The following SLC14A1 variants were observed in gnomAD, a reference collection of about 807,000 sequenced individuals.
SLC14A1 encodes solute carrier family 14 member 1 (Kidd blood group).
SLC14A1 carries 36 observed loss-of-function variants against 39.6 expected under a neutral mutation model. That is an observed-to-expected ratio of 0.91 (90% CI 0.70 to 1.20). SLC14A1 has a LOEUF of 1.20. Ranked by LOEUF, SLC14A1 falls within the 50% of genes most tolerant of loss-of-function variation. The pLI is 0.00. For missense variants in SLC14A1, 469 were observed against 478.7 expected, an observed-to-expected ratio of 0.98 and a Z score of 0.19; for synonymous variants, 164 against 173.6, an observed-to-expected ratio of 0.94 and a Z score of 0.43.
At chr18:45,748,335 T>C (rs750106254) in intron 8 of SLC14A1, 41 bp from the exon 9 acceptor site, 16 of 1,606,528 alleles carry the variant, frequency 1.0e-5, no homozygotes, top group Non-Finnish European at 1.4e-5. Flanking sequence ...TAAAAGTGCA[T>C]CTACGAAGCA....
intron 9 of SLC14A1, 117 bp from the exon 10 acceptor site, chr18:45,749,661 G>A: frequency 8.6e-7 from 1 of 1,167,286 alleles, no homozygotes; most frequent in South Asian, 1.3e-5. Context: ...AGAATCCAGA[G>A]CAATGCCCCC....
chr18:45,747,029 G>C (rs1361892687), intron 8 of SLC14A1: 2 of 152,174 alleles, frequency 1.3e-5, no homozygotes, highest in Non-Finnish European at 2.9e-5. Flanking sequence ...ACAAAATATT[G>C]GTAAAAGGAC....
chr18:45,733,317 T>C (rs551007210), intron 4 of SLC14A1, among the ~76,000 whole-genome samples: 5 of 152,272 alleles, frequency 3.3e-5, no homozygotes, highest in African/African-American at 1.2e-4. Flanking sequence ...AAGAACTGGG[T>C]GCTCAACATG....
chr18:45,728,101 G>A (rs558329670), intron 2 of SLC14A1, among the ~76,000 whole-genome samples: 2 of 152,154 alleles, frequency 1.3e-5, no homozygotes, highest in African/African-American at 4.8e-5. Flanking sequence ...TTCACAAATG[G>A]CAATAAGTCT....
intron 2 of SLC14A1, among the ~76,000 whole-genome samples, chr18:45,728,803 T>C (rs1397271378): frequency 6.6e-6 from 1 of 152,186 alleles, no homozygotes; most frequent in East Asian, 1.9e-4. Flanking sequence ...AAAATGACCT[T>C]GGTCTGGAAT....
Position 45,749,920 on chromosome 18 carries a change from C to G in SLC14A1, c.1139C>G (p.Ala380Gly). The change falls in exon 10 of 10, where the codon GCC becomes GGC. Residue 380 changes from alanine (A) to glycine (G), a missense_variant. Coordinates refer to ENST00000321925, the MANE Select transcript of SLC14A1 (RefSeq NM_015865.7). ...PEENRIFYLQ[A>G]KKRMVESPL is the part of the protein sequence containing the mutation. ...GAAAACCGCATCTTCTACCTGCAAG[C>G]CAAGAAAAGAATGGTGGAAAGCCCT... 3 of 1,614,146 alleles carry G rather than the reference C, an allele frequency of 1.9e-6. No homozygotes were observed. Among genetic ancestry groups the G allele is most frequent in the Non-Finnish European group, 2.5e-6 (3 of 1,180,022 alleles).
intron 2 of SLC14A1, chr18:45,727,188 T>G (rs2046887966): frequency 6.9e-7 from 1 of 1,459,754 alleles, no homozygotes; most frequent in Non-Finnish European, 9.4e-7. Flanking sequence ...TCAGCTTGCC[T>G]TTTGCGTGGT....
At chr18:45,730,199 G>A in intron 2 of SLC14A1, 101 bp from the exon 3 acceptor site, 1 of 1,280,230 alleles carries the variant, frequency 7.8e-7, no homozygotes, top group Non-Finnish European at 1.1e-6. Context: ...TAGTTCTATG[G>A]AACATAGTGG....
chr18:45,751,263 C>G lies in SLC14A1; in HGVS notation c.*1312C>G. 1 of 549,192 alleles carries G rather than the reference C, an allele frequency of 1.8e-6. No individual in the cohort carries two copies. Among genetic ancestry groups the G allele is most frequent in the Non-Finnish European group, 2.3e-6 (1 of 432,802 alleles). The allele number at this position is 549,192 out of a possible 1,614,324, so 34.0% of individuals were successfully genotyped here. On this transcript the variant is annotated 3_prime_UTR_variant, in exon 10 of 10. Coordinates refer to ENST00000321925, the MANE Select transcript of SLC14A1 (RefSeq NM_015865.7). ...GCTGAGGTGGGAAAATGACTTGAGC[C>G]CAGGAGGAGGAGGCTGCAGTGAGCT...
At position 45,729,166 on chromosome 18, in the gene SLC14A1, T is replaced by C. The variant is rs538571824; in HGVS notation, c.-21-1134T>C. The C allele has an allele frequency of 5.3e-5, 8 of 152,308 alleles. No individual in the cohort carries two copies. The East Asian group carries it at 1.4e-3, about 26-fold the overall frequency. 9.4% of individuals were successfully genotyped at this position (152,308 alleles called of 1,614,324 possible). On this transcript the variant is annotated intron_variant, in intron 2 of 9. Transcript: ENST00000321925. ...TCAGTGTTTCTTTGGTAGTGTCTTATGTGGCTGTGGCTTCAACATTCCACA... is the reference window on the plus strand; with the variant it reads ...TCAGTGTTTCTTTGGTAGTGTCTTACGTGGCTGTGGCTTCAACATTCCACA...
chr18:45,748,332 G>A (rs997294167), intron 8 of SLC14A1, 44 bp from the exon 9 acceptor site: 2 of 1,598,562 alleles, frequency 1.3e-6, no homozygotes, highest in Non-Finnish European at 1.7e-6. Context: ...GATTAAAAGT[G>A]CATCTACGAA....
chr18:45,726,985 T>C, intron 2 of SLC14A1: 1 of 326,848 alleles, frequency 3.1e-6, no homozygotes, highest in South Asian at 3.3e-5. Context: ...CATTGGTCCC[T>C]GTGTAGGATG....
chr18:45,735,965 A>C (rs1275615974), intron 5 of SLC14A1, among the ~76,000 whole-genome samples: 1 of 152,116 alleles, frequency 6.6e-6, no homozygotes, highest in Non-Finnish European at 1.5e-5. Context: ...TGCCCCACCA[A>C]CTGTGATATC....
intron 8 of SLC14A1, 86 bp from the exon 9 acceptor site, chr18:45,748,290 G>T: frequency 7.3e-7 from 1 of 1,376,432 alleles, no homozygotes; most frequent in Non-Finnish European, 1.0e-6. Flanking sequence ...GTGCATTCCA[G>T]GTGATTTATA....
intron 6 of SLC14A1, among the ~76,000 whole-genome samples, 170 bp from the exon 7 acceptor site, chr18:45,738,993 C>T (rs940880353): frequency 1.3e-5 from 2 of 152,176 alleles, no homozygotes; most frequent in African/African-American, 2.4e-5. Context: ...TGAAGGATGA[C>T]TGGGATTTTT....
chr18:45,727,596 T>C (rs1273730067), intron 2 of SLC14A1, among the ~76,000 whole-genome samples: 1 of 152,220 alleles, frequency 6.6e-6, no homozygotes, highest in Non-Finnish European at 1.5e-5. Flanking sequence ...GGCTAGACCA[T>C]TGAGCTGAGA....
At chr18:45,738,973 G>A (rs573329448) in intron 6 of SLC14A1, among the ~76,000 whole-genome samples, 190 bp from the exon 7 acceptor site, 32 of 152,286 alleles carry the variant, frequency 2.1e-4, no homozygotes, top group Admixed American at 5.9e-4. Context: ...TGTATCTCTG[G>A]GGATAAAGCT....
At chr18:45,730,895 A>C (rs1029512901) in intron 3 of SLC14A1, 120 bp from the exon 4 acceptor site, 5 of 884,660 alleles carry the variant, frequency 5.7e-6, no homozygotes, top group Non-Finnish European at 9.3e-6. Flanking sequence ...AGAAATATTA[A>C]AGAAATATCA....
Position 45,752,216 on chromosome 18 carries a change from A to T in SLC14A1, c.*2265A>T, listed in dbSNP as rs1170305010. The T allele has an allele frequency of 1.0e-6, 1 of 985,310 alleles. No individual in the cohort carries two copies. Among genetic ancestry groups the T allele is most frequent in the East Asian group, 1.1e-4 (1 of 8,826 alleles). The allele number at this position is 985,310 out of a possible 1,614,324, so 61.0% of individuals were successfully genotyped here. On this transcript the variant is annotated 3_prime_UTR_variant, in exon 10 of 10. Transcript: ENST00000321925. The stretch of plus-strand genomic sequence containing the variant: ...GAAGAATTGTGGGGAAAAAAAAGCA[A>T]GCATAACCAAAGATCATCAGCAGTG...
Sources: allele counts gnomAD v4.1 joint callset (sites outside exome capture counted in the v4.1 genomes callset), GRCh38; gene constraint gnomAD v4.1.1; transcripts MANE v1.5; gene names NCBI Gene and HGNC (gene_info 2026-07-23, HGNC 2026-07-21).